The following CAPN5 variants were observed in gnomAD, a reference collection of about 807,000 sequenced individuals.
The protein encoded by CAPN5 is calpain 5, also known as calpain-5.
A neutral mutation model predicts 73.0 loss-of-function variants in CAPN5; 54 were observed. The observed-to-expected ratio is 0.74, with a 90% confidence interval of 0.59 to 0.93. The LOEUF (loss-of-function observed/expected upper bound fraction) is 0.93, where lower values mean the gene tolerates loss of function less well. CAPN5 is among the 40% of genes least tolerant of loss of function. CAPN5 has a pLI of 0.00. For synonymous variants in CAPN5, 335 were observed against 356.9 expected (o/e 0.94, Z 0.69); for missense variants, 785 against 882.9 (o/e 0.89, Z 1.41).
intron 3 of CAPN5, among the ~76,000 whole-genome samples, chr11:77,101,805 C>T (rs942436212): frequency 2.6e-5 from 4 of 152,204 alleles, no homozygotes; most frequent in Admixed American, 2.0e-4. Flanking sequence ...CTTTCATTTC[C>T]CCAGTATAAA....
chr11:77,093,831 G>A lies in CAPN5; in HGVS notation c.297+18G>A. On this transcript the variant is annotated intron_variant, in intron 3 of 12. Coordinates refer to ENST00000648180, the MANE Select transcript of CAPN5 (RefSeq NM_004055.5). ...GGCAAAAGGTGAGGCCTCGGGCAGA[G>A]TGGGCAGGGTGCTGGGGAGTGTGAA... The A allele has an allele frequency of 1.9e-6, 3 of 1,606,562 alleles. No homozygotes were observed. The highest frequency in any genetic ancestry group is 2.5e-6 in the Non-Finnish European group (3 of 1,179,858).
chr11:77,105,987 C>A (rs1950342691), intron 3 of CAPN5, among the ~76,000 whole-genome samples: 1 of 152,164 alleles, frequency 6.6e-6, no homozygotes, highest in Non-Finnish European at 1.5e-5. Flanking sequence ...CCCCATGACA[C>A]TGGTCCCTGG....
chr11:77,111,123 G>C (rs1348598444), intron 3 of CAPN5, among the ~76,000 whole-genome samples: 5 of 152,036 alleles, frequency 3.3e-5, no homozygotes, highest in Non-Finnish European at 7.4e-5. Flanking sequence ...ATGCTGCTGA[G>C]TAGGGTCTGG....
rs924312668 is a variant in CAPN5, at chr11:77,088,142, G to A, written c.165+3091G>A. 2.8e-6 allele frequency: 4 copies of A among 1,428,148 alleles called. No homozygotes were observed. In the African/African-American group the frequency reaches 5.7e-5, roughly 20 times the overall value. 88.5% of individuals were successfully genotyped at this position (1,428,148 alleles called of 1,614,324 possible). A position where few individuals can be genotyped will look rare whatever the true frequency, so the allele number is the denominator to read the frequency against. ...CTCTCCCACATCTGGGTATGAGCCT[G>A]GAGGTCCTTTGGTGGAATGCACAGG... On this transcript the variant is annotated intron_variant, in intron 2 of 12. Coordinates refer to ENST00000648180, the MANE Select transcript of CAPN5 (RefSeq NM_004055.5).
intron 12 of CAPN5, among the ~76,000 whole-genome samples, chr11:77,123,379 C>T (rs1283688110): frequency 6.6e-6 from 1 of 152,202 alleles, no homozygotes; most frequent in Non-Finnish European, 1.5e-5. Flanking sequence ...ACTCAACCTT[C>T]ATATTAAAGA....
At chr11:77,095,476 C>T (rs4945142) in intron 3 of CAPN5, among the ~76,000 whole-genome samples, 49,412 of 152,120 alleles carry the variant, frequency 0.32, 8,354 homozygotes, top group East Asian at 0.51. Context: ...ACAGGCAGAA[C>T]TGGCCCAACG....
At chr11:77,102,865 C>T (rs782124246) in intron 3 of CAPN5, 28 of 1,604,660 alleles carry the variant, frequency 1.7e-5, no homozygotes, top group East Asian at 9.0e-5. Context: ...CCGCAGCAGC[C>T]GCAGCTGGAC....
intron 1 of CAPN5, among the ~76,000 whole-genome samples, chr11:77,074,115 A>G (rs1949941838): frequency 6.6e-6 from 1 of 152,186 alleles, no homozygotes; most frequent in South Asian, 2.1e-4. Flanking sequence ...GAAGGGGATA[A>G]ATACATTAAC....
At chr11:77,116,137 C>T in intron 6 of CAPN5, 89 bp from the exon 7 acceptor site, 1 of 1,212,772 alleles carries the variant, frequency 8.2e-7, no homozygotes, top group Non-Finnish European at 1.2e-6. Flanking sequence ...CAAGACTGCC[C>T]CTCGTGCCTC....
intron 3 of CAPN5, among the ~76,000 whole-genome samples, chr11:77,108,439 T>C (rs553397615): frequency 5.3e-5 from 8 of 152,084 alleles, no homozygotes; most frequent in African/African-American, 7.2e-5. Context: ...TGAAGTGGCA[T>C]GGGTGTTTGG....
intron 1 of CAPN5, among the ~76,000 whole-genome samples, chr11:77,078,058 T>C (rs1341318342): frequency 3.3e-5 from 5 of 152,220 alleles, no homozygotes. Context: ...TGCAGAAACT[T>C]TTTTAGCTTT....
At chr11:77,093,198 G>A (rs1382784058) in intron 2 of CAPN5, among the ~76,000 whole-genome samples, 4 of 152,186 alleles carry the variant, frequency 2.6e-5, no homozygotes, top group African/African-American at 7.2e-5. Flanking sequence ...CTGGCCCCTC[G>A]CTTTGTGCTC....
chr11:77,115,060 T>C (rs1555041457), intron 5 of CAPN5, among the ~76,000 whole-genome samples: 1 of 149,578 alleles, frequency 6.7e-6, no homozygotes, highest in Non-Finnish European at 1.5e-5. Context: ...CAAAACTCCA[T>C]CCAAAAAAAA....
chr11:77,084,671 G>A (rs916359756), intron 1 of CAPN5, among the ~76,000 whole-genome samples, 181 bp from the exon 2 acceptor site: 15 of 152,198 alleles, frequency 9.9e-5, no homozygotes, highest in African/African-American at 3.6e-4. Context: ...TCCAGTCTAT[G>A]GAGTCAGGCC....
intron 2 of CAPN5, among the ~76,000 whole-genome samples, chr11:77,093,239 C>T (rs1555036816): frequency 6.6e-6 from 1 of 152,226 alleles, no homozygotes; most frequent in African/African-American, 2.4e-5. Flanking sequence ...TTGTCCCATG[C>T]CCGCACCCCC....
At chr11:77,073,624 A>G (rs1412542906) in intron 1 of CAPN5, among the ~76,000 whole-genome samples, 2 of 152,294 alleles carry the variant, frequency 1.3e-5, no homozygotes, top group East Asian at 3.9e-4. Flanking sequence ...CCTGTTCCCC[A>G]TACACACATG....
intron 1 of CAPN5, among the ~76,000 whole-genome samples, chr11:77,072,649 A>G (rs1434943603): frequency 1.3e-5 from 2 of 152,226 alleles, no homozygotes; most frequent in Non-Finnish European, 2.9e-5. Context: ...TTGTGTAATG[A>G]GAACAGCACA....
intron 1 of CAPN5, among the ~76,000 whole-genome samples, chr11:77,084,400 C>A (rs916291441): frequency 2.0e-5 from 3 of 152,270 alleles, no homozygotes; most frequent in Middle Eastern, 3.4e-3. Context: ...GTACCTGGGG[C>A]AAGGTTTTCC....
chr11:77,071,673 C>T (rs1555033101), intron 1 of CAPN5: 1 of 452,486 alleles, frequency 2.2e-6, no homozygotes, highest in African/African-American at 2.0e-5. Flanking sequence ...GTCTCCCCAT[C>T]TGAGGACGGG....
Sources: gnomAD v4.1 joint callset for allele counts (sites outside exome capture counted in the v4.1 genomes callset) on GRCh38, gnomAD v4.1.1 for gene constraint, MANE v1.5 for transcripts, NCBI Gene and HGNC (gene_info 2026-07-23, HGNC 2026-07-21) for gene names.